TPRA1: variants seen among roughly 807,000 people sequenced by gnomAD.
The protein encoded by TPRA1 is transmembrane protein adipocyte-associated 1.
In TPRA1, 28 loss-of-function variants were observed where a neutral mutation model predicts 40.1. That is an observed-to-expected ratio of 0.70 (90% CI 0.52 to 0.96). The LOEUF (loss-of-function observed/expected upper bound fraction) is 0.96. Among genes scored for constraint, TPRA1 ranks in the 40% least tolerant of loss-of-function variants. TPRA1 has a pLI of 0.00. For synonymous variants in TPRA1, 219 were observed against 209.7 expected (o/e 1.04, Z -0.38); for missense variants, 441 against 482.6 (o/e 0.91, Z 0.81).
At chr3:127,593,707 C>T (rs893112483), upstream of TPRA1, among the ~76,000 whole-genome samples, 17 of 152,126 alleles carry the variant, frequency 1.1e-4, no homozygotes, top group Non-Finnish European at 1.5e-5. Context: ...TCAGTCTGAC[C>T]TTATAAAAAT....
upstream of TPRA1, among the ~76,000 whole-genome samples, chr3:127,593,154 G>A (rs1349450531): frequency 6.6e-6 from 1 of 152,204 alleles, no homozygotes; most frequent in Non-Finnish European, 1.5e-5. Flanking sequence ...GAGAGCTGAG[G>A]CAGTGGCTAA....
At chr3:127,575,036 ATG>A (rs760779533) in intron 10 of TPRA1, 147 bp downstream of exon 10, 8 of 794,902 alleles carry the variant, frequency 1.0e-5, no homozygotes, top group South Asian at 3.6e-5. Context: ...GTGTATCTGT[ATG>A]TGTGTGCCCA....
chr3:127,579,370 G>A (rs1239389532), intron 3 of TPRA1, among the ~76,000 whole-genome samples: 2 of 152,212 alleles, frequency 1.3e-5, no homozygotes, highest in Non-Finnish European at 2.9e-5. Flanking sequence ...TGCCCTCCCA[G>A]CTTCACAGTG....
chr3:127,575,631 G>C (rs768025449), intron 8 of TPRA1, 118 bp downstream of exon 8: 33 of 1,484,084 alleles, frequency 2.2e-5, no homozygotes, highest in Non-Finnish European at 3.0e-5. Context: ...CTCACCCAGG[G>C]CTCTCCAGCT....
At chr3:127,582,827 C>T (rs1362772887) in intron 1 of TPRA1, among the ~76,000 whole-genome samples, 3 of 150,960 alleles carry the variant, frequency 2.0e-5, no homozygotes, top group Non-Finnish European at 3.0e-5. Flanking sequence ...ATGGAGAAAC[C>T]CCGCCTCTAC....
upstream of TPRA1, among the ~76,000 whole-genome samples, chr3:127,592,162 A>G (rs1385851557): frequency 4.6e-5 from 7 of 152,090 alleles, no homozygotes; most frequent in Non-Finnish European, 7.4e-5. Context: ...AGAAAGTTAT[A>G]CACATCACTC....
chr3:127,575,614 C>A (rs2073585027), intron 8 of TPRA1, 109 bp from the exon 9 acceptor site: 5 of 1,463,442 alleles, frequency 3.4e-6, no homozygotes, highest in Non-Finnish European at 3.7e-6. Context: ...CCCCTCTAGG[C>A]CTCCCTCTCA....
At chr3:127,588,293 C>T (rs942363557) in intron 1 of TPRA1, 3 of 152,308 alleles carry the variant, frequency 2.0e-5, no homozygotes, top group African/African-American at 7.2e-5. Flanking sequence ...GTGTTTCCCA[C>T]AGGCTCCCAG....
intron 10 of TPRA1, among the ~76,000 whole-genome samples, chr3:127,574,399 G>A (rs550994910): frequency 2.6e-5 from 4 of 152,312 alleles, no homozygotes; most frequent in Admixed American, 6.5e-5. Flanking sequence ...CCCACATTCC[G>A]ACCACATTAA....
At chr3:127,581,503 G>T (rs748420137) in intron 1 of TPRA1, among the ~76,000 whole-genome samples, 1 of 152,222 alleles carries the variant, frequency 6.6e-6, no homozygotes, top group South Asian at 2.1e-4. Context: ...GCCTGCCAGC[G>T]TCTGGGTGTC....
At chr3:127,586,164 C>T (rs1050402559) in intron 1 of TPRA1, among the ~76,000 whole-genome samples, 1 of 152,164 alleles carries the variant, frequency 6.6e-6, no homozygotes, top group Non-Finnish European at 1.5e-5. Flanking sequence ...TCCTGCACCC[C>T]TGGAGGACTG....
At chr3:127,575,012 GTGTGCA>G (rs746078524) in intron 10 of TPRA1, 167 bp downstream of exon 10, 81 of 689,430 alleles carry the variant, frequency 1.2e-4, no homozygotes, top group Admixed American at 1.7e-4. Flanking sequence ...GCGTATATCT[GTGTGCA>G]TGTGCATGTG....
At chr3:127,580,246 A>G (rs1349259131) in intron 1 of TPRA1, 83 bp from the exon 2 acceptor site, 3 of 1,476,504 alleles carry the variant, frequency 2.0e-6, no homozygotes, top group African/African-American at 2.8e-5. Flanking sequence ...CCCAGGGGAA[A>G]ATCAGAGGGG....
chr3:127,583,911 C>T (rs1003206456), intron 1 of TPRA1, among the ~76,000 whole-genome samples: 4 of 151,916 alleles, frequency 2.6e-5, no homozygotes, highest in Middle Eastern at 3.4e-3. Flanking sequence ...CCTCGTGATC[C>T]GCCCACCTCG....
intron 10 of TPRA1, among the ~76,000 whole-genome samples, chr3:127,574,664 C>T (rs1032549355): frequency 3.9e-5 from 6 of 152,174 alleles, no homozygotes; most frequent in Non-Finnish European, 7.3e-5. Flanking sequence ...TGAATGCTTG[C>T]GAATGAATGA....
chr3:127,582,838 T>TAA (rs1290942646), intron 1 of TPRA1, among the ~76,000 whole-genome samples: 2 of 137,880 alleles, frequency 1.5e-5, no homozygotes, highest in African/African-American at 2.7e-5. Flanking sequence ...CCGCCTCTAC[T>TAA]AAAAAAAAAA....
intron 1 of TPRA1, among the ~76,000 whole-genome samples, chr3:127,590,036 G>A (rs1056872681): frequency 6.6e-6 from 1 of 152,220 alleles, no homozygotes; most frequent in Non-Finnish European, 1.5e-5. Flanking sequence ...GAGCACCTCG[G>A]CCGCTGCGGG....
chr3:127,588,655 A>G (rs1262454944), intron 1 of TPRA1, among the ~76,000 whole-genome samples: 2 of 152,118 alleles, frequency 1.3e-5, no homozygotes, highest in Admixed American at 1.3e-4. Context: ...TCCTGACCTC[A>G]GATGATCCAC....
At chr3:127,592,426 C>G (rs559360201), upstream of TPRA1, among the ~76,000 whole-genome samples, 1 of 124,120 alleles carries the variant, frequency 8.1e-6, no homozygotes, top group Non-Finnish European at 1.6e-5. Context: ...TCGCCCAGGT[C>G]GGACTGCGGA....
Sources: allele counts gnomAD v4.1 joint callset (sites outside exome capture counted in the v4.1 genomes callset), GRCh38; gene constraint gnomAD v4.1.1; transcripts MANE v1.5; gene names NCBI Gene and HGNC (gene_info 2026-07-23, HGNC 2026-07-21).